OLA1: variants seen among roughly 807,000 people sequenced by gnomAD.
The protein encoded by OLA1 is obg-like ATPase 1.
In OLA1, 14 loss-of-function variants were observed where a neutral mutation model predicts 48.4. That is an observed-to-expected ratio of 0.29 (90% CI 0.19 to 0.45). OLA1 has a LOEUF of 0.45. Ranked by LOEUF, OLA1 falls within the 20% of genes least tolerant of loss-of-function variation. The pLI, the probability that OLA1 is intolerant of heterozygous loss-of-function variation, is 1.00. For missense variants in OLA1, 325 were observed against 467.1 expected, an observed-to-expected ratio of 0.70 and a Z score of 2.80; for synonymous variants, 127 against 150.4, an observed-to-expected ratio of 0.84 and a Z score of 1.14.
chr2:174,181,222 G>A (rs952873595), intron 4 of OLA1, among the ~76,000 whole-genome samples: 3 of 152,080 alleles, frequency 2.0e-5, no homozygotes, highest in Non-Finnish European at 4.4e-5. Context: ...TAAACAAGGG[G>A]GCATTTTAAA....
At position 174,195,014 on chromosome 2, in the gene OLA1, G is replaced by A. The variant is rs545000221; in HGVS notation, c.373+28019C>T. Among the ~76,000 whole-genome samples the A allele has an allele frequency of 2.6e-5, 4 of 152,038 alleles. No homozygotes were observed. The East Asian group carries it at 5.8e-4, about 22-fold the overall frequency. On this transcript the variant is annotated intron_variant, in intron 4 of 10. Transcript: ENST00000284719. ...ATATTCCAGATCGGAAGGGACCCAC[G>A]ATATGGTCTGCAGTTTCAGTTAAAC... is the stretch of plus-strand genomic sequence containing the variant.
chr2:174,243,071 C>T (rs1039956801), intron 2 of OLA1, among the ~76,000 whole-genome samples: 6 of 151,986 alleles, frequency 3.9e-5, no homozygotes, highest in African/African-American at 1.2e-4. Context: ...TGCAGTGGCG[C>T]GATCTCAGCT....
intron 7 of OLA1, among the ~76,000 whole-genome samples, chr2:174,100,979 C>T (rs1685383751): frequency 1.3e-5 from 2 of 152,180 alleles, no homozygotes; most frequent in Admixed American, 1.3e-4. Context: ...AAGGCTGCTA[C>T]TCTGTGTAGT....
intron 7 of OLA1, among the ~76,000 whole-genome samples, chr2:174,113,353 G>A (rs1255574488): frequency 6.6e-6 from 1 of 152,018 alleles, no homozygotes; most frequent in Non-Finnish European, 1.5e-5. Flanking sequence ...TGTTTTTGGG[G>A]GGTTTATTCT....
chr2:174,244,745 C>T (rs1357774625), intron 2 of OLA1, among the ~76,000 whole-genome samples: 1 of 152,086 alleles, frequency 6.6e-6, no homozygotes, highest in East Asian at 1.9e-4. Flanking sequence ...CTGCCCCAGC[C>T]TCCCGAGTAT....
intron 4 of OLA1, among the ~76,000 whole-genome samples, chr2:174,217,517 T>C (rs1350371192): frequency 1.3e-5 from 2 of 152,200 alleles, no homozygotes; most frequent in South Asian, 2.1e-4. Flanking sequence ...TCTTTCCCAC[T>C]TTTTTTGCTT....
At chr2:174,172,039 C>A in intron 4 of OLA1, 1 of 190,034 alleles carries the variant, frequency 5.3e-6, no homozygotes, top group Non-Finnish European at 1.1e-5. Context: ...AACAGTAAAA[C>A]GGTTCAATGT....
intron 7 of OLA1, among the ~76,000 whole-genome samples, chr2:174,109,124 T>C (rs1685582325): frequency 1.3e-5 from 2 of 152,202 alleles, no homozygotes; most frequent in African/African-American, 4.8e-5. Context: ...AACTATTGAA[T>C]ATTTCATAGC....
chr2:174,136,920 C>A (rs951678744), intron 5 of OLA1, among the ~76,000 whole-genome samples: 1 of 152,030 alleles, frequency 6.6e-6, no homozygotes, highest in East Asian at 1.9e-4. Flanking sequence ...CGTGATCTAC[C>A]CTCCTTGGCC....
chr2:174,103,729 T>C (rs1685449433), intron 7 of OLA1, among the ~76,000 whole-genome samples: 1 of 152,112 alleles, frequency 6.6e-6, no homozygotes, highest in Admixed American at 6.6e-5. Context: ...GAACAAAACA[T>C]GCATGGTCCT....
chr2:174,232,184 T>C (rs1049845057), intron 2 of OLA1, among the ~76,000 whole-genome samples: 2 of 152,198 alleles, frequency 1.3e-5, no homozygotes, highest in Non-Finnish European at 2.9e-5. Flanking sequence ...GAAATTACTA[T>C]TTTACTCTGT....
At chr2:174,109,427 C>G (rs1685593987) in intron 7 of OLA1, among the ~76,000 whole-genome samples, 1 of 152,148 alleles carries the variant, frequency 6.6e-6, no homozygotes, top group African/African-American at 2.4e-5. Flanking sequence ...ATACCATAAT[C>G]ATGAACTGTG....
At chr2:174,220,141 A>C (rs1041331699) in intron 4 of OLA1, among the ~76,000 whole-genome samples, 6 of 152,248 alleles carry the variant, frequency 3.9e-5, no homozygotes, top group African/African-American at 1.4e-4. Context: ...CAAATAAATA[A>C]ATAAAATCCT....
rs78071097 is a variant in OLA1 at position 174,150,999 on chromosome 2, T to C, written c.374-8999A>G. On this transcript the variant is annotated intron_variant, in intron 4 of 10. Transcript: ENST00000284719. Reference sequence around the variant, plus strand: ...AATAAAATTTGAAATGAACAAAGCTTACTGGAGAGTTGATCACAGTGAGAA... The same window carrying C: ...AATAAAATTTGAAATGAACAAAGCTCACTGGAGAGTTGATCACAGTGAGAA... 7.8e-3 allele frequency among the ~76,000 whole-genome samples: 1,194 copies of C among 152,312 alleles called. 17 individuals carry two copies. The highest frequency in any genetic ancestry group is 0.027 in the African/African-American group (1,122 of 41,564).
intron 10 of OLA1, 31 bp from the exon 11 acceptor site, chr2:174,075,558 T>G: frequency 3.0e-5 from 41 of 1,370,870 alleles, no homozygotes; most frequent in African/African-American, 4.3e-5. Flanking sequence ...GGAAATGGGT[T>G]ATTAGTTTAC....
intron 2 of OLA1, among the ~76,000 whole-genome samples, chr2:174,235,531 C>T (rs1197825177): frequency 6.6e-6 from 1 of 152,072 alleles, no homozygotes; most frequent in Non-Finnish European, 1.5e-5. Context: ...GACTGTGTTC[C>T]CTGAGAGAAG....
chr2:174,082,803 T>C (rs1417471493), intron 7 of OLA1, among the ~76,000 whole-genome samples: 1 of 152,136 alleles, frequency 6.6e-6, no homozygotes. Context: ...AGTCATTTTT[T>C]TTCCTTCCAA....
intron 4 of OLA1, among the ~76,000 whole-genome samples, chr2:174,197,465 G>C (rs973816307): frequency 2.6e-5 from 4 of 151,630 alleles, no homozygotes; most frequent in African/African-American, 7.3e-5. Flanking sequence ...TTCCAAGTCA[G>C]AATGAAATTA....
intron 5 of OLA1, among the ~76,000 whole-genome samples, chr2:174,137,565 T>C (rs1032206782): frequency 1.3e-5 from 2 of 152,232 alleles, no homozygotes; most frequent in Non-Finnish European, 2.9e-5. Context: ...TTTGTTGACA[T>C]TGAACATCTG....
Sources: allele counts gnomAD v4.1 joint callset (sites outside exome capture counted in the v4.1 genomes callset), GRCh38; gene constraint gnomAD v4.1.1; transcripts MANE v1.5; gene names NCBI Gene and HGNC (gene_info 2026-07-23, HGNC 2026-07-21).